NUP133: variants seen among roughly 807,000 people sequenced by gnomAD.
The protein encoded by NUP133 is nucleoporin 133.
NUP133 carries 66 observed loss-of-function variants against 146.2 expected under a neutral mutation model. The ratio of observed to expected loss-of-function variants is 0.45; its 90% CI spans 0.37 to 0.55. The LOEUF is 0.55. Among genes scored for constraint, NUP133 ranks in the 20% least tolerant of loss-of-function variants. The pLI is 0.00. For missense variants in NUP133, 1,277 were observed against 1,374.8 expected (o/e 0.93, Z 1.12); for synonymous variants, 521 against 498.8 (o/e 1.04, Z -0.59).
intron 5 of NUP133, chr1:229,499,114 A>T: frequency 2.2e-6 from 1 of 459,002 alleles, no homozygotes; most frequent in East Asian, 7.0e-5. Context: ...GGCGCAGGCT[A>T]GTCTTGAACT....
intron 25 of NUP133, among the ~76,000 whole-genome samples, chr1:229,444,180 A>C (rs1453183628): frequency 6.6e-6 from 1 of 151,872 alleles, no homozygotes; most frequent in Non-Finnish European, 1.5e-5. Flanking sequence ...AAAATACAAA[A>C]ATTAGCCAGA....
At chr1:229,446,934 G>A (rs1036457278) in intron 24 of NUP133, among the ~76,000 whole-genome samples, 8 of 151,978 alleles carry the variant, frequency 5.3e-5, no homozygotes, top group African/African-American at 1.9e-4. Flanking sequence ...AGACCAGCCT[G>A]ACCAACATGA....
intron 8 of NUP133, among the ~76,000 whole-genome samples, chr1:229,494,301 T>G (rs1661597565): frequency 1.3e-5 from 2 of 152,184 alleles, no homozygotes; most frequent in South Asian, 4.1e-4. Context: ...ACCTCTTTGA[T>G]AGCTTTTATA....
At chr1:229,463,170 C>T (rs7515418) in intron 19 of NUP133, among the ~76,000 whole-genome samples, 22,229 of 152,148 alleles carry the variant, frequency 0.15, 1,787 homozygotes, top group Middle Eastern at 0.23. Flanking sequence ...AGGAGGATCG[C>T]TTGAGCCCAG....
chr1:229,447,227 T>C (rs1426906615), intron 24 of NUP133, among the ~76,000 whole-genome samples: 2 of 152,252 alleles, frequency 1.3e-5, no homozygotes, highest in Non-Finnish European at 2.9e-5. Flanking sequence ...CCTAAGTCTT[T>C]AGGCTATTCT....
At chr1:229,450,712 GTTTT>G (rs540902400) in intron 22 of NUP133, 107 bp from the exon 23 acceptor site, 2 of 518,442 alleles carry the variant, frequency 3.9e-6, no homozygotes, top group South Asian at 3.2e-5. Flanking sequence ...GTTGTAGTTT[GTTTT>G]TTGTTTGTTT....
In NUP133 at chr1:229,498,410, T is replaced by G. The variant is rs1661711542; in HGVS notation, c.649-104A>C. The G allele has an allele frequency of 4.0e-6, 3 of 743,330 alleles. No individual in the cohort carries two copies. The East Asian group carries it at 8.8e-5, about 22-fold the overall frequency. 46.0% of individuals were successfully genotyped at this position (743,330 alleles called of 1,614,324 possible). A position where few individuals can be genotyped will look rare whatever the true frequency, so the allele number is the denominator to read the frequency against. On this transcript the variant is annotated intron_variant, in intron 5 of 25. Transcript: ENST00000261396. Reference sequence around the variant, plus strand: ...AAAATCATCGTAATTGAAATAAATCTAAAAGAATACAAAATAGAACGTTGT... The same window carrying G: ...AAAATCATCGTAATTGAAATAAATCGAAAAGAATACAAAATAGAACGTTGT...
chr1:229,473,880 C>T (rs190354491), intron 14 of NUP133, among the ~76,000 whole-genome samples: 190 of 152,084 alleles, frequency 1.2e-3, no homozygotes, highest in African/African-American at 4.2e-3. Flanking sequence ...GCTGAGATTG[C>T]GCCACTGTAC....
At chr1:229,473,064 C>T (rs1457958391) in intron 14 of NUP133, among the ~76,000 whole-genome samples, 1 of 151,886 alleles carries the variant, frequency 6.6e-6, no homozygotes, top group Admixed American at 6.6e-5. Flanking sequence ...CCAGCCTGGG[C>T]AACATTATGA....
At chr1:229,452,880 T>C (rs932356959) in intron 21 of NUP133, among the ~76,000 whole-genome samples, 3 of 152,028 alleles carry the variant, frequency 2.0e-5, no homozygotes, top group African/African-American at 7.2e-5. Context: ...CAACGAGAAA[T>C]AGGAGGGAAG....
intron 1 of NUP133, 151 bp from the exon 2 acceptor site, chr1:229,506,309 G>GT: frequency 2.2e-6 from 1 of 461,296 alleles, no homozygotes; most frequent in Non-Finnish European, 3.9e-6. Flanking sequence ...TATTTTTCAT[G>GT]TAAAAAAAAA....
At position 229,452,452 on chromosome 1, in the gene NUP133, A is replaced by C. The variant is rs1344468106; in HGVS notation, c.3099+73T>G. ...AACAATAACTCCTCTTAGGAACTAT[A>C]CTACATGGCCCAACAAACACCAAAA... On this transcript the variant is annotated intron_variant, in intron 22 of 25. Transcript: ENST00000261396. 4.3e-6 allele frequency: 5 copies of C among 1,170,180 alleles called. No homozygotes were observed. The African/African-American group carries it at 7.6e-5, about 18-fold the overall frequency. 72.5% of individuals were successfully genotyped at this position (1,170,180 alleles called of 1,614,324 possible).
At chr1:229,466,565 G>T in intron 16 of NUP133, 69 bp downstream of exon 16, 6 of 1,565,930 alleles carry the variant, frequency 3.8e-6, no homozygotes, top group Non-Finnish European at 5.3e-6. Flanking sequence ...GTAGGAACAT[G>T]GAAACCAGTT....
rs1427862284 is a variant in NUP133 at position 229,508,243 on chromosome 1, G to A, written c.7C>T (p.Pro3Ser). MFPAAPSPRTPGT... is the reference protein window; with the variant it reads MFSAAPSPRTPGT... ...GGGGTCCGCGGAGAAGGGGCGGCTG[G>A]GAACATGACTCCAAGGAGCAGCGAC... is the stretch of plus-strand genomic sequence containing the variant. Residue 3 changes from proline (P) to serine (S), a missense_variant, in exon 1 of 26, where the codon CCA becomes TCA. Around this residue, in one of 3 missense-constraint regions of NUP133, gnomAD observed 319 missense variants for 306.9 expected, o/e 1.04. Transcript: ENST00000261396. 20 of 1,528,406 alleles carry A rather than the reference G, an allele frequency of 1.3e-5. No individual in the cohort carries two copies. Among genetic ancestry groups the A allele is most frequent in the Non-Finnish European group, 1.7e-5 (19 of 1,139,538 alleles). 94.7% of individuals were successfully genotyped at this position (1,528,406 alleles called of 1,614,324 possible).
intron 14 of NUP133, 63 bp from the exon 15 acceptor site, chr1:229,470,867 C>T: frequency 6.9e-7 from 1 of 1,454,590 alleles, no homozygotes. Context: ...AATACCATAG[C>T]TGTATTTTCC....
chr1:229,474,961 T>C (rs1469766497), intron 14 of NUP133, among the ~76,000 whole-genome samples: 1 of 151,938 alleles, frequency 6.6e-6, no homozygotes, highest in Non-Finnish European at 1.5e-5. Flanking sequence ...AAAAATTATA[T>C]GGGCATGGTG....
chr1:229,493,260 C>T (rs1043731619), intron 8 of NUP133, among the ~76,000 whole-genome samples: 7 of 152,120 alleles, frequency 4.6e-5, no homozygotes, highest in Admixed American at 6.6e-5. Context: ...TCACTACAGC[C>T]CCAATCTCCT....
chr1:229,470,561 G>A lies in NUP133; in HGVS notation c.2076+19C>T, dbSNP rs371862131. On this transcript the variant is annotated intron_variant, in intron 15 of 25. Coordinates refer to ENST00000261396, the MANE Select transcript of NUP133 (RefSeq NM_018230.3). ...ATGGCACAGTTCTACAAAGCCACAT[G>A]AAAGAGGACTCATCTTACCTCCCTG... 10 of 1,590,478 alleles carry A rather than the reference G, an allele frequency of 6.3e-6. No individual in the cohort carries two copies. The African/African-American group carries it at 1.2e-4, about 19-fold the overall frequency.
chr1:229,508,181 G>A lies in NUP133; in HGVS notation c.69C>T (p.Leu23=), dbSNP rs761096694. 9.5e-6 allele frequency: 15 copies of A among 1,585,928 alleles called. No homozygotes were observed. Among genetic ancestry groups the A allele is most frequent in the Middle Eastern group, 1.9e-4 (1 of 5,188 alleles). ...TGSRRGPLAG[L]GPGSTPRTAS... ...CCGTCCGGGGCGTGGAGCCGGGCCCGAGTCCGGCCAGCGGGCCCCTTCGGG... is the reference window on the plus strand; with the variant it reads ...CCGTCCGGGGCGTGGAGCCGGGCCCAAGTCCGGCCAGCGGGCCCCTTCGGG... The change falls in exon 1 of 26, where the codon CTC becomes CTT. Residue 23 remains leucine (L), a synonymous_variant. Transcript: ENST00000261396.
Sources: allele counts gnomAD v4.1 joint callset (sites outside exome capture counted in the v4.1 genomes callset), GRCh38; gene constraint gnomAD v4.1.1; regional missense constraint gnomAD v4.1.1; transcripts MANE v1.5; gene names NCBI Gene and HGNC (gene_info 2026-07-23, HGNC 2026-07-21).